Variants in FHIT observed in about 807,000 individuals in gnomAD.
FHIT encodes bis(5'-adenosyl)-triphosphatase.
FHIT carries 19 observed loss-of-function variants against 17.9 expected under a neutral mutation model. That is an observed-to-expected ratio of 1.06 (90% CI 0.74 to 1.56). The LOEUF (loss-of-function observed/expected upper bound fraction) is 1.56, where lower values mean the gene tolerates loss of function less well. Among genes scored for constraint, FHIT ranks in the 40% most tolerant of loss-of-function variants. FHIT has a pLI of 0.00. For missense variants in FHIT, 248 were observed against 189.2 expected (o/e 1.31, Z -1.82); for synonymous variants, 81 against 69.7 (o/e 1.16, Z -0.81).
At chr3:59,829,782 A>G (rs1430610720) in intron 8 of FHIT, among the ~76,000 whole-genome samples, 1 of 152,198 alleles carries the variant, frequency 6.6e-6, no homozygotes, top group East Asian at 1.9e-4. Flanking sequence ...CAGAGGCTGC[A>G]GGCCCAGGTG....
chr3:60,312,360 T>C (rs1278493520), intron 5 of FHIT, among the ~76,000 whole-genome samples: 2 of 152,090 alleles, frequency 1.3e-5, no homozygotes, highest in African/African-American at 2.4e-5. Flanking sequence ...TAGGCTGGTC[T>C]CGAACTCCTG....
chr3:60,633,310 T>C (rs1246589578), intron 4 of FHIT, among the ~76,000 whole-genome samples: 2 of 152,166 alleles, frequency 1.3e-5, no homozygotes, highest in East Asian at 1.9e-4. Context: ...CCAGATTTCC[T>C]ACCTGTATAA....
intron 2 of FHIT, among the ~76,000 whole-genome samples, chr3:61,143,316 A>G (rs2037137899): frequency 6.6e-6 from 1 of 152,202 alleles, no homozygotes; most frequent in Admixed American, 6.5e-5. Flanking sequence ...ATGTTTATGT[A>G]TAGTGTATGT....
intron 5 of FHIT, among the ~76,000 whole-genome samples, chr3:60,027,469 C>T (rs1039048334): frequency 1.3e-5 from 2 of 152,150 alleles, no homozygotes; most frequent in African/African-American, 4.8e-5. Context: ...TCATTACCAA[C>T]ATCACCATTG....
intron 1 of FHIT, among the ~76,000 whole-genome samples, chr3:61,218,732 T>G (rs541826191): frequency 6.6e-6 from 1 of 152,170 alleles, no homozygotes; most frequent in South Asian, 2.1e-4. Flanking sequence ...TATAGTGTCT[T>G]ATGATAGGAA....
At chr3:60,218,406 A>G (rs950656944) in intron 5 of FHIT, among the ~76,000 whole-genome samples, 4 of 152,196 alleles carry the variant, frequency 2.6e-5, no homozygotes, top group Admixed American at 6.5e-5. Flanking sequence ...CTAGGTCATA[A>G]GCAATGTGTC....
chr3:61,099,742 G>A (rs909265780), intron 2 of FHIT, among the ~76,000 whole-genome samples: 3 of 151,948 alleles, frequency 2.0e-5, no homozygotes, highest in South Asian at 4.2e-4. Context: ...TTTGTATTTC[G>A]GTGGGGTCAG....
intron 7 of FHIT, among the ~76,000 whole-genome samples, chr3:59,942,901 G>C (rs938704589): frequency 6.6e-6 from 1 of 151,680 alleles, no homozygotes; most frequent in Non-Finnish European, 1.5e-5. Context: ...CTCCCACCTC[G>C]GCCTCCCAAA....
At chr3:60,789,496 G>A (rs1054124304) in intron 4 of FHIT, among the ~76,000 whole-genome samples, 7 of 152,262 alleles carry the variant, frequency 4.6e-5, no homozygotes, top group South Asian at 2.1e-4. Context: ...CCAGCCTGGC[G>A]ACAGAGTGAG....
chr3:60,658,680 A>G (rs1553690268), intron 4 of FHIT, among the ~76,000 whole-genome samples: 1 of 152,178 alleles, frequency 6.6e-6, no homozygotes, highest in East Asian at 1.9e-4. Context: ...CAAATTATGT[A>G]GAAAACAAAA....
chr3:60,092,639 T>C (rs1321739430), intron 5 of FHIT, among the ~76,000 whole-genome samples: 1 of 151,994 alleles, frequency 6.6e-6, no homozygotes, highest in African/African-American at 2.4e-5. Flanking sequence ...CAAGAGAGGA[T>C]TAATGAATGG....
intron 4 of FHIT, among the ~76,000 whole-genome samples, chr3:60,631,696 G>T (rs904689794): frequency 2.0e-5 from 3 of 152,172 alleles, no homozygotes; most frequent in African/African-American, 7.2e-5. Context: ...CTGGGCCTCA[G>T]TCCATCCACC....
intron 3 of FHIT, among the ~76,000 whole-genome samples, chr3:60,824,611 C>G (rs1553740382): frequency 6.6e-6 from 1 of 152,064 alleles, no homozygotes; most frequent in Non-Finnish European, 1.5e-5. Flanking sequence ...TGGCTGTGTC[C>G]CCACCCAAGT....
chr3:60,398,142 G>T (rs1438948956), intron 5 of FHIT, among the ~76,000 whole-genome samples: 2 of 151,926 alleles, frequency 1.3e-5, no homozygotes, highest in Admixed American at 1.3e-4. Flanking sequence ...CTGAACTAAG[G>T]AGCAAAAAAC....
chr3:60,467,285 C>CA (rs2032852015), intron 5 of FHIT, among the ~76,000 whole-genome samples: 1 of 150,838 alleles, frequency 6.6e-6, no homozygotes, highest in Admixed American at 6.6e-5. Flanking sequence ...TTTCTTTTTT[C>CA]AAAAAAACAA....
intron 4 of FHIT, among the ~76,000 whole-genome samples, chr3:60,598,528 G>C (rs1027126924): frequency 6.6e-6 from 1 of 152,094 alleles, no homozygotes; most frequent in African/African-American, 2.4e-5. Flanking sequence ...CCATGTTGTT[G>C]CAAGAGCAAA....
chr3:60,074,804 C>T (rs1011909181), intron 5 of FHIT, among the ~76,000 whole-genome samples: 1 of 152,052 alleles, frequency 6.6e-6, no homozygotes, highest in Non-Finnish European at 1.5e-5. Flanking sequence ...TTCTGCCTGG[C>T]TTTTCTCACT....
At chr3:61,175,693 T>C (rs1358236309) in intron 2 of FHIT, among the ~76,000 whole-genome samples, 1 of 152,020 alleles carries the variant, frequency 6.6e-6, no homozygotes, top group African/African-American at 2.4e-5. Flanking sequence ...CTCTTGCCCA[T>C]GTGTCCCTCC....
At chr3:60,932,138 G>A (rs1026420767) in intron 3 of FHIT, among the ~76,000 whole-genome samples, 1 of 152,188 alleles carries the variant, frequency 6.6e-6, no homozygotes, top group African/African-American at 2.4e-5. Flanking sequence ...AGCCTCTGAT[G>A]AAGAACAAGT....
Sources: allele counts gnomAD v4.1 joint callset (sites outside exome capture counted in the v4.1 genomes callset), GRCh38; gene constraint gnomAD v4.1.1; transcripts MANE v1.5; gene names NCBI Gene and HGNC (gene_info 2026-07-23, HGNC 2026-07-21).